The following FREM2 variants were observed in gnomAD, a reference collection of about 807,000 sequenced individuals.
FREM2 encodes the protein FRAS1-related extracellular matrix protein 2.
In FREM2, 119 loss-of-function variants were observed where a neutral mutation model predicts 219.9. The observed-to-expected ratio is 0.54, with a 90% CI of 0.47 to 0.63. The LOEUF is 0.63. Ranked by LOEUF, FREM2 falls within the 30% of genes least tolerant of loss-of-function variation. The pLI is 0.00. For synonymous variants in FREM2, 1,562 were observed against 1,522.8 expected (o/e 1.03, Z -0.60); for missense variants, 4,030 against 3,993.6 (o/e 1.01, Z -0.25).
chr13:38,850,773 A>G (rs1377513730), intron 9 of FREM2, among the ~76,000 whole-genome samples, 171 bp from the exon 10 acceptor site: 1 of 152,222 alleles, frequency 6.6e-6, no homozygotes, highest in East Asian at 1.9e-4. Flanking sequence ...ATACTTAAAT[A>G]TTTATTCACT....
intron 2 of FREM2, among the ~76,000 whole-genome samples, chr13:38,711,965 G>A (rs1174872035): frequency 6.8e-6 from 1 of 146,144 alleles, no homozygotes; most frequent in Non-Finnish European, 1.5e-5. Context: ...TGTTGCCCAG[G>A]CTGGAGTGCA....
intron 2 of FREM2, among the ~76,000 whole-genome samples, chr13:38,758,335 T>G (rs1873095479): frequency 6.6e-6 from 1 of 152,222 alleles, no homozygotes; most frequent in Non-Finnish European, 1.5e-5. Flanking sequence ...TTCCCCTCCA[T>G]CTCTCTGAAT....
chr13:38,789,629 G>C (rs1325682140), intron 6 of FREM2, among the ~76,000 whole-genome samples: 1 of 149,700 alleles, frequency 6.7e-6, no homozygotes, highest in Non-Finnish European at 1.5e-5. Flanking sequence ...TTCTGTTTTT[G>C]CCTCAGACTT....
At chr13:38,779,182 A>G (rs956524410) in intron 4 of FREM2, among the ~76,000 whole-genome samples, 40 of 151,982 alleles carry the variant, frequency 2.6e-4, no homozygotes, top group African/African-American at 9.7e-4. Context: ...GACAATGAGA[A>G]CACAGGGACA....
intron 6 of FREM2, among the ~76,000 whole-genome samples, chr13:38,840,636 A>ATATATATATATATATATATATG (rs1179577366): frequency 6.9e-6 from 1 of 145,890 alleles, no homozygotes; most frequent in African/African-American, 2.7e-5. Context: ...ATATATATAT[A>ATATATATATATATATATATATG]TATATATATG....
chr13:38,730,447 T>C (rs1306940837), intron 2 of FREM2, among the ~76,000 whole-genome samples: 1 of 152,230 alleles, frequency 6.6e-6, no homozygotes, highest in African/African-American at 2.4e-5. Flanking sequence ...CTAAAGTACT[T>C]ACATGCTTGA....
chr13:38,783,926 C>A (rs773440952), intron 5 of FREM2, among the ~76,000 whole-genome samples: 6 of 152,212 alleles, frequency 3.9e-5, no homozygotes, highest in Non-Finnish European at 8.8e-5. Flanking sequence ...GAAACCCTGC[C>A]TCTACTAAAA....
chr13:38,776,436 A>G (rs1180652934), intron 4 of FREM2, among the ~76,000 whole-genome samples: 1 of 152,170 alleles, frequency 6.6e-6, no homozygotes, highest in Non-Finnish European at 1.5e-5. Context: ...AGAAGGTATA[A>G]AATGTACATT....
intron 6 of FREM2, among the ~76,000 whole-genome samples, chr13:38,826,731 C>T (rs1225423617): frequency 1.3e-5 from 2 of 152,092 alleles, no homozygotes; most frequent in African/African-American, 4.8e-5. Context: ...AAATCACCCT[C>T]ATGTCACAGT....
intron 6 of FREM2, among the ~76,000 whole-genome samples, chr13:38,814,507 T>C (rs1464946593): frequency 1.3e-5 from 2 of 152,142 alleles, no homozygotes; most frequent in African/African-American, 4.8e-5. Context: ...GCCAAACATA[T>C]AGCGTCTCTG....
rs561538253 is a variant in FREM2, at chr13:38,819,002, A to G, written c.6020-27571A>G. Among the ~76,000 whole-genome samples the G allele has an allele frequency of 7.9e-5, 12 of 152,278 alleles. No homozygotes were observed. The South Asian group carries it at 1.0e-3, about 13-fold the overall frequency. ...TATTGTGTCATTATACAATACAGAAATATATCAAAACATCAAGTTGCACCT... is the reference window on the plus strand; with the variant it reads ...TATTGTGTCATTATACAATACAGAAGTATATCAAAACATCAAGTTGCACCT... On this transcript the variant is annotated intron_variant, in intron 6 of 23. Transcript: ENST00000280481.
intron 2 of FREM2, among the ~76,000 whole-genome samples, chr13:38,743,821 C>T (rs568297015): frequency 7.9e-5 from 12 of 152,268 alleles, no homozygotes; most frequent in African/African-American, 2.4e-4. Flanking sequence ...TCTGTATCTA[C>T]GTCCCTAGCG....
intron 6 of FREM2, among the ~76,000 whole-genome samples, chr13:38,789,806 T>G (rs931724660): frequency 3.3e-5 from 5 of 150,276 alleles, no homozygotes; most frequent in African/African-American, 1.2e-4. Flanking sequence ...AGTTTCTTTT[T>G]TATATATTTA....
intron 8 of FREM2, 148 bp downstream of exon 8, chr13:38,848,818 A>G: frequency 1.4e-6 from 1 of 739,242 alleles, no homozygotes; most frequent in Middle Eastern, 3.9e-4. Context: ...TGGCTTAAAT[A>G]ACAGAAATTT....
chr13:38,753,554 A>T (rs1593385839), intron 2 of FREM2, among the ~76,000 whole-genome samples: 1 of 152,224 alleles, frequency 6.6e-6, no homozygotes, highest in Admixed American at 6.5e-5. Context: ...TTGTGTTCTT[A>T]TTTAGAATAC....
At position 38,880,700 on chromosome 13, in the gene FREM2, CA is replaced by C. The variant is rs1878514198; in HGVS notation, c.9424del (p.Arg3142GlyfsTer33). Reference sequence around the variant, plus strand: ...TGATGTGCAGGGGCAAGGAAAGTTTCAGGGGGAAGGATGCCCCGAAAGGCTC... The same window carrying C: ...TGATGTGCAGGGGCAAGGAAAGTTTCGGGGGAAGGATGCCCCGAAAGGCTC... ...VLMCRGKESF[R>X]GKDAPKGSSS... On this transcript the variant is annotated frameshift_variant, in exon 24 of 24. Transcript: ENST00000280481. LOFTEE classifies it low-confidence loss of function (END_TRUNC). 1.2e-6 allele frequency: 2 copies of C among 1,614,172 alleles called. No individual in the cohort carries two copies. The highest frequency in any genetic ancestry group is 4.5e-5 in the East Asian group (2 of 44,866).
chr13:38,734,955 C>G lies in FREM2; in HGVS notation c.5264-29349C>G, dbSNP rs533998395. On this transcript the variant is annotated intron_variant, in intron 2 of 23. Transcript: ENST00000280481. ...TCGAGATGGGGTTTCACCATATTGG[C>G]CAGGCTGGTCTCAAACTTCTGACCT... Among the ~76,000 whole-genome samples, 684 of 152,112 alleles carry G rather than the reference C, an allele frequency of 4.5e-3. 15 individuals carry two copies. The highest frequency in any genetic ancestry group is 0.016 in the African/African-American group (648 of 41,520).
At position 38,783,185 on chromosome 13, in the gene FREM2, T is replaced by C. The variant is rs1264501737; in HGVS notation, c.5757T>C (p.Tyr1919=). ...GCCAGGAGTTGATGGTGGTCTGTTATACCCAACAAGGTAGCTCGATTTGCC... is the reference window on the plus strand; with the variant it reads ...GCCAGGAGTTGATGGTGGTCTGTTACACCCAACAAGGTAGCTCGATTTGCC... ...DVSQELMVVC[Y]TQQGTATGTV... The change falls in exon 5 of 24, where the codon TAT becomes TAC. Residue 1919 remains tyrosine, a synonymous_variant. Transcript: ENST00000280481. The C allele has an allele frequency of 2.5e-6, 4 of 1,614,114 alleles. No individual in the cohort carries two copies. Among genetic ancestry groups the C allele is most frequent in the East Asian group, 2.2e-5 (1 of 44,874 alleles).
rs201252176 is a variant in FREM2 at position 38,687,651 on chromosome 13, G to T, written c.307G>T (p.Asp103Tyr). 3 of 1,607,244 alleles carry T rather than the reference G, an allele frequency of 1.9e-6. No homozygotes were observed. Among genetic ancestry groups the T allele is most frequent in the South Asian group, 2.2e-5 (2 of 90,444 alleles). The change falls in exon 1 of 24, where the codon GAC (aspartate) becomes TAC (tyrosine). Residue 103 changes from aspartate to tyrosine, a missense_variant. Physicochemically the swap from Asp to Tyr is radical, Grantham distance 160 (BLOSUM62 -3). Transcript: ENST00000280481. Reference protein sequence around the residue: ...HDLVLQVQPGDRCAVSVLDND... With the variant: ...HDLVLQVQPGYRCAVSVLDND... ...CCTGGTGTTGCAGGTGCAGCCCGGGGACCGCTGCGCGGTTTCGGTACTAGA... is the reference window on the plus strand; with the variant it reads ...CCTGGTGTTGCAGGTGCAGCCCGGGTACCGCTGCGCGGTTTCGGTACTAGA...
Sources: gnomAD v4.1 joint callset for allele counts (sites outside exome capture counted in the v4.1 genomes callset) on GRCh38, gnomAD v4.1.1 for gene constraint, MANE v1.5 for transcripts, NCBI Gene and HGNC (gene_info 2026-07-23, HGNC 2026-07-21) for gene names.